The following LRRTM4 variants were observed in gnomAD, a reference collection of about 807,000 sequenced individuals.
The protein encoded by LRRTM4 is leucine-rich repeat transmembrane neuronal protein 4.
Under a neutral mutation model 47.6 loss-of-function variants are expected in LRRTM4, and 25 were observed. The ratio of observed to expected loss-of-function variants is 0.53; its 90% CI spans 0.38 to 0.73. The LOEUF (loss-of-function observed/expected upper bound fraction) is 0.73. Ranked by LOEUF, LRRTM4 falls within the 30% of genes least tolerant of loss-of-function variation. The pLI is 0.00. For synonymous variants in LRRTM4, 311 were observed against 269.5 expected, an observed-to-expected ratio of 1.15 and a Z score of -1.51; for missense variants, 638 against 713.4, an observed-to-expected ratio of 0.89 and a Z score of 1.20.
At chr2:76,837,294 C>T (rs894161303) in intron 3 of LRRTM4, among the ~76,000 whole-genome samples, 10 of 151,922 alleles carry the variant, frequency 6.6e-5, no homozygotes, top group African/African-American at 2.4e-4. Flanking sequence ...GTCTTCGTAG[C>T]GGTCTATCAA....
intron 3 of LRRTM4, among the ~76,000 whole-genome samples, chr2:77,108,572 A>G (rs895116196): frequency 1.4e-5 from 2 of 145,894 alleles, no homozygotes; most frequent in Non-Finnish European, 3.0e-5. Context: ...AAAGAACACA[A>G]ACATTCTTTT....
chr2:76,849,373 T>C (rs935706972), intron 3 of LRRTM4, among the ~76,000 whole-genome samples: 5 of 152,102 alleles, frequency 3.3e-5, no homozygotes, highest in Non-Finnish European at 7.4e-5. Flanking sequence ...ATTTCTCTGC[T>C]GCCATGCAAC....
intron 3 of LRRTM4, among the ~76,000 whole-genome samples, chr2:77,363,233 A>G (rs1283570210): frequency 1.3e-5 from 2 of 152,176 alleles, no homozygotes; most frequent in African/African-American, 2.4e-5. Context: ...AACTTACACA[A>G]TGGCTCCACA....
At chr2:76,879,649 A>C (rs193198049) in intron 3 of LRRTM4, among the ~76,000 whole-genome samples, 223 of 152,330 alleles carry the variant, frequency 1.5e-3, no homozygotes, top group South Asian at 9.7e-3. Context: ...CCATGGATCA[A>C]ATAATTTTGA....
chr2:77,477,030 G>T (rs913768259), intron 3 of LRRTM4, among the ~76,000 whole-genome samples: 2 of 151,172 alleles, frequency 1.3e-5, no homozygotes, highest in Non-Finnish European at 2.9e-5. Flanking sequence ...AATGTGAAAA[G>T]AATTGTTTAC....
At chr2:76,789,469 G>A (rs1174251105) in intron 3 of LRRTM4, among the ~76,000 whole-genome samples, 2 of 152,142 alleles carry the variant, frequency 1.3e-5, no homozygotes, top group East Asian at 1.9e-4. Flanking sequence ...CTTCTTTGGA[G>A]GGCTTCTGGC....
At chr2:76,922,392 A>C (rs1254679208) in intron 3 of LRRTM4, among the ~76,000 whole-genome samples, 1 of 152,032 alleles carries the variant, frequency 6.6e-6, no homozygotes, top group Non-Finnish European at 1.5e-5. Flanking sequence ...ACAAAGTGGG[A>C]AGTGCCACAT....
At chr2:77,511,853 T>G (rs1170555836) in intron 3 of LRRTM4, among the ~76,000 whole-genome samples, 2 of 152,192 alleles carry the variant, frequency 1.3e-5, no homozygotes, top group African/African-American at 2.4e-5. Flanking sequence ...TCAAACTTTA[T>G]GACCTTAAAT....
chr2:77,257,730 A>G (rs1162252735), intron 3 of LRRTM4, among the ~76,000 whole-genome samples: 2 of 152,046 alleles, frequency 1.3e-5, no homozygotes, highest in East Asian at 3.9e-4. Context: ...ACACACACAC[A>G]CACACACACA....
At chr2:77,041,729 C>G (rs1679040832) in intron 3 of LRRTM4, among the ~76,000 whole-genome samples, 1 of 150,452 alleles carries the variant, frequency 6.6e-6, no homozygotes. Context: ...ACATCTTTTA[C>G]CCATTTTTAA....
At chr2:76,981,606 G>A (rs1032383774) in intron 3 of LRRTM4, among the ~76,000 whole-genome samples, 19 of 151,962 alleles carry the variant, frequency 1.3e-4, no homozygotes, top group African/African-American at 4.6e-4. Flanking sequence ...GGCACCTCCT[G>A]CCTCAATCTC....
At chr2:76,944,969 G>A (rs978162728) in intron 3 of LRRTM4, among the ~76,000 whole-genome samples, 2 of 152,134 alleles carry the variant, frequency 1.3e-5, no homozygotes, top group East Asian at 3.9e-4. Context: ...CGAGTCCAGG[G>A]CTGCTATAAG....
At chr2:76,919,599 G>C (rs1558738670) in intron 3 of LRRTM4, among the ~76,000 whole-genome samples, 1 of 152,092 alleles carries the variant, frequency 6.6e-6, no homozygotes, top group Non-Finnish European at 1.5e-5. Context: ...TGGGAAAATT[G>C]TGAAAGCCGA....
At chr2:77,504,311 A>G (rs76911081) in intron 3 of LRRTM4, among the ~76,000 whole-genome samples, 6,648 of 151,676 alleles carry the variant, frequency 0.044, 332 homozygotes, top group Admixed American at 0.16. Context: ...CACATCGACC[A>G]TATGGCCCAT....
chr2:77,240,783 T>A (rs1675237479), intron 3 of LRRTM4, among the ~76,000 whole-genome samples: 1 of 151,908 alleles, frequency 6.6e-6, no homozygotes, highest in African/African-American at 2.4e-5. Context: ...AATTTGAAAT[T>A]TATAATAAAA....
intron 3 of LRRTM4, among the ~76,000 whole-genome samples, chr2:77,507,953 A>G (rs1329568483): frequency 6.6e-6 from 1 of 152,148 alleles, no homozygotes; most frequent in Admixed American, 6.6e-5. Flanking sequence ...GTGTCCCTAG[A>G]AGAGAAGTAC....
chr2:77,294,600 C>T (rs1447676111), intron 3 of LRRTM4, among the ~76,000 whole-genome samples: 1 of 152,092 alleles, frequency 6.6e-6, no homozygotes, highest in Non-Finnish European at 1.5e-5. Flanking sequence ...GGAGAATGCA[C>T]ATTAATGGAT....
chr2:76,912,908 C>T lies in LRRTM4; in HGVS notation c.1552-163992G>A, dbSNP rs114872849. Among the ~76,000 whole-genome samples the T allele has an allele frequency of 8.6e-3, 1,317 of 152,290 alleles. 38 individuals carry two copies. The highest frequency in any genetic ancestry group is 0.069 in the South Asian group (332 of 4,824). On this transcript the variant is annotated intron_variant, in intron 3 of 3. Transcript: ENST00000409884. ...CCTGAGGTCTGTTTAGAAGCAGAAG[C>T]CGCTATGCTTCCTGTACAGCCTGCA...
At chr2:76,847,384 A>T (rs1175995124) in intron 3 of LRRTM4, among the ~76,000 whole-genome samples, 1 of 152,100 alleles carries the variant, frequency 6.6e-6, no homozygotes, top group Non-Finnish European at 1.5e-5. Context: ...GAAAATTCCA[A>T]AATAATTCTC....
Sources: gnomAD v4.1 joint callset for allele counts (sites outside exome capture counted in the v4.1 genomes callset) on GRCh38, gnomAD v4.1.1 for gene constraint, MANE v1.5 for transcripts, NCBI Gene and HGNC (gene_info 2026-07-23, HGNC 2026-07-21) for gene names.